The following ATP7B variants were observed in gnomAD, a reference collection of about 807,000 sequenced individuals.
ATP7B encodes the protein copper-transporting ATPase 2.
ATP7B carries 113 observed loss-of-function variants against 118.9 expected under a neutral mutation model. That is an observed-to-expected ratio of 0.95 (90% CI 0.82 to 1.11). The LOEUF is 1.11. Among genes scored for constraint, ATP7B ranks in the 50% most tolerant of loss-of-function variants. The pLI is 0.00. For synonymous variants in ATP7B, 777 were observed against 727.4 expected (o/e 1.07, Z -1.10); for missense variants, 1,867 against 1,871.4 (o/e 1.00, Z 0.04).
chr13:51,952,430 T>G (rs1312093015), intron 9 of ATP7B, among the ~76,000 whole-genome samples: 1 of 152,244 alleles, frequency 6.6e-6, no homozygotes, highest in East Asian at 1.9e-4. Context: ...ATTTAAACTA[T>G]CACAGGCACA....
intron 16 of ATP7B, among the ~76,000 whole-genome samples, chr13:51,939,624 A>T (rs906388158): frequency 1.3e-5 from 2 of 151,158 alleles, no homozygotes; most frequent in Non-Finnish European, 2.9e-5. Flanking sequence ...CTTTTCCTGC[A>T]GAAAACATTT....
chr13:51,940,560 G>C (rs900201085), intron 16 of ATP7B, among the ~76,000 whole-genome samples: 1 of 151,922 alleles, frequency 6.6e-6, no homozygotes, highest in African/African-American at 2.4e-5. Flanking sequence ...CAGGAGAATT[G>C]CTTGAACCCG....
intron 1 of ATP7B, among the ~76,000 whole-genome samples, chr13:52,006,137 T>G (rs560618634): frequency 6.6e-6 from 1 of 152,194 alleles, no homozygotes; most frequent in Non-Finnish European, 1.5e-5. Context: ...TTAATGAATA[T>G]CTATAGAAAC....
In ATP7B at chr13:51,985,949, C is replaced by T. The variant is rs117243535; in HGVS notation, c.52-10781G>A. Among the ~76,000 whole-genome samples, 38 of 152,236 alleles carry T rather than the reference C, an allele frequency of 2.5e-4. 1 individual carries two copies. Among genetic ancestry groups the T allele is most frequent in the East Asian group, 1.5e-3 (8 of 5,188 alleles). Reference sequence around the variant, plus strand: ...GGAAATTTCTAGGACTAAATGCCCACAAAAGAAAGCTGGAAAGCTCTAAAA... The same window carrying T: ...GGAAATTTCTAGGACTAAATGCCCATAAAAGAAAGCTGGAAAGCTCTAAAA... On this transcript the variant is annotated intron_variant, in intron 1 of 20. Coordinates refer to ENST00000242839, the MANE Select transcript of ATP7B (RefSeq NM_000053.4).
chr13:51,965,513 G>C (rs1951502925), intron 4 of ATP7B, among the ~76,000 whole-genome samples: 2 of 152,142 alleles, frequency 1.3e-5, no homozygotes, highest in Admixed American at 1.3e-4. Context: ...TGGCTCCAAG[G>C]GTAATGATGT....
At chr13:51,940,986 T>C in intron 16 of ATP7B, 95 bp downstream of exon 16, 3 of 1,560,028 alleles carry the variant, frequency 1.9e-6, no homozygotes, top group Non-Finnish European at 2.6e-6. Flanking sequence ...CTTTTGTTTG[T>C]CTTCTTTTCT....
chr13:51,989,662 G>A (rs1248938795), intron 1 of ATP7B, among the ~76,000 whole-genome samples: 5 of 152,084 alleles, frequency 3.3e-5, no homozygotes, highest in South Asian at 2.1e-4. Context: ...ACAGGGTATC[G>A]TCTCCAAGGA....
chr13:51,941,778 G>A (rs1204099801), intron 15 of ATP7B, among the ~76,000 whole-genome samples: 4 of 152,144 alleles, frequency 2.6e-5, no homozygotes, highest in African/African-American at 7.2e-5. Flanking sequence ...AGGCCATCCT[G>A]GGGTTTTAAA....
intron 1 of ATP7B, among the ~76,000 whole-genome samples, chr13:51,987,248 A>T (rs1952700003): frequency 6.6e-6 from 1 of 152,184 alleles, no homozygotes; most frequent in East Asian, 1.9e-4. Context: ...AATGTGCAAA[A>T]ATCACAAGCA....
rs746719897 is a variant in ATP7B at position 51,977,497 on chromosome 13, A to G, written c.52-2329T>C. ...CACTGGAAGGTCTTCAGGTGCGATA[A>G]CAGGCATGGAGCTGTCATCTCCTAT... On this transcript the variant is annotated intron_variant, in intron 1 of 20. Transcript: ENST00000242839. Among the ~76,000 whole-genome samples the G allele has an allele frequency of 2.4e-4, 37 of 152,298 alleles. 1 individual carries two copies. Among genetic ancestry groups the G allele is most frequent in the South Asian group, 6.2e-4 (3 of 4,822 alleles).
chr13:51,962,007 GA>G (rs1317704055), intron 5 of ATP7B, 94 bp from the exon 6 acceptor site: 13 of 1,093,860 alleles, frequency 1.2e-5, no homozygotes, highest in Non-Finnish European at 1.8e-5. Flanking sequence ...TTGGAAATTA[GA>G]AAGTGAATCT....
In ATP7B at chr13:51,949,988, T is replaced by C. The variant is rs1476958282; in HGVS notation, c.2730+19A>G. ...TAAAACGAGAAAGATGAAGTTAGTTTTAAAAATTTCTTCATTACCTTTGAC... is the reference window on the plus strand; with the variant it reads ...TAAAACGAGAAAGATGAAGTTAGTTCTAAAAATTTCTTCATTACCTTTGAC... On this transcript the variant is annotated intron_variant, in intron 11 of 20. Coordinates refer to ENST00000242839, the MANE Select transcript of ATP7B (RefSeq NM_000053.4). 1 of 1,614,168 alleles carries C rather than the reference T, an allele frequency of 6.2e-7. No individual in the cohort carries two copies. The highest frequency in any genetic ancestry group is 1.7e-5 in the Admixed American group (1 of 60,026).
In ATP7B at chr13:51,936,719, G is replaced by C. The variant is rs534555112; in HGVS notation, c.4021+557C>G. Among the ~76,000 whole-genome samples, 153 of 152,204 alleles carry C rather than the reference G, an allele frequency of 1.0e-3. 1 individual carries two copies. Among genetic ancestry groups the C allele is most frequent in the Non-Finnish European group, 1.6e-3 (109 of 67,994 alleles). On this transcript the variant is annotated intron_variant, in intron 19 of 20. Coordinates refer to ENST00000242839, the MANE Select transcript of ATP7B (RefSeq NM_000053.4). Reference sequence around the variant, plus strand: ...CTTTAAAATTTTTTGTAGAGATGGAGTCTCACCATGTTGCCCAGGTGAGTC... The same window carrying C: ...CTTTAAAATTTTTTGTAGAGATGGACTCTCACCATGTTGCCCAGGTGAGTC...
chr13:51,984,218 T>C (rs1952547862), intron 1 of ATP7B, among the ~76,000 whole-genome samples: 1 of 151,834 alleles, frequency 6.6e-6, no homozygotes, highest in African/African-American at 2.4e-5. Flanking sequence ...GAGAGGAACA[T>C]AAATGACCTG....
At chr13:51,957,773 T>C (rs1958452221) in intron 8 of ATP7B, 166 bp from the exon 9 acceptor site, 2 of 668,032 alleles carry the variant, frequency 3.0e-6, no homozygotes, top group African/African-American at 3.6e-5. Context: ...CCACCACACA[T>C]GGCCACATGT....
Position 51,968,550 on chromosome 13 carries a change from G to A in ATP7B, c.1601C>T (p.Pro534Leu). The A allele has an allele frequency of 6.2e-7, 1 of 1,614,078 alleles. No individual in the cohort carries two copies. Among genetic ancestry groups the A allele is most frequent in the Non-Finnish European group, 8.5e-7 (1 of 1,180,006 alleles). ...TATCTCGAGGGGCTGGATGACCTCT[G>A]GGTCATACTTGATCTCTGCCTTTCC... ...MAGKAEIKYD[P>L]EVIQPLEIAQ... The change falls in exon 4 of 21, where the codon CCA (proline) becomes CTA (leucine). Residue 534 changes from proline (P) to leucine (L), a missense_variant. Coordinates refer to ENST00000242839, the MANE Select transcript of ATP7B (RefSeq NM_000053.4).
In ATP7B at chr13:51,968,468, G is replaced by A. The variant is rs1226141740; in HGVS notation, c.1683C>T (p.Gly561=). The A allele has an allele frequency of 6.2e-7, 1 of 1,614,184 alleles. No homozygotes were observed. The highest frequency in any genetic ancestry group is 2.2e-5 in the East Asian group (1 of 44,882). Residue 561 remains glycine (G), a synonymous_variant, in exon 4 of 21, where the codon GGC becomes GGT. Transcript: ENST00000242839. ...CTGTCAGCTCAATGTTGCCATCGGA[G>A]CCTGCGTAGTCCTCCATGACTGCTG... ...FEAAVMEDYA[G]SDGNIELTIT...
chr13:51,990,175 G>A (rs1952841793), intron 1 of ATP7B, among the ~76,000 whole-genome samples: 1 of 151,828 alleles, frequency 6.6e-6, no homozygotes, highest in Non-Finnish European at 1.5e-5. Flanking sequence ...GTAAACAAGA[G>A]TATAAGGAAA....
At chr13:51,956,235 G>A (rs1219149969) in intron 9 of ATP7B, among the ~76,000 whole-genome samples, 1 of 152,168 alleles carries the variant, frequency 6.6e-6, no homozygotes, top group Non-Finnish European at 1.5e-5. Flanking sequence ...GTGTGGCCCC[G>A]GTCAGTTCCT....
Sources: gnomAD v4.1 joint callset for allele counts (sites outside exome capture counted in the v4.1 genomes callset) on GRCh38, gnomAD v4.1.1 for gene constraint, MANE v1.5 for transcripts, NCBI Gene and HGNC (gene_info 2026-07-23, HGNC 2026-07-21) for gene names.